USP13: variants seen among roughly 807,000 people sequenced by gnomAD.
The protein encoded by USP13 is ubiquitin specific peptidase 13, also known as ubiquitin carboxyl-terminal hydrolase 13.
USP13 carries 68 observed loss-of-function variants against 107.8 expected under a neutral mutation model. The ratio of observed to expected loss-of-function variants is 0.63; its 90% CI spans 0.52 to 0.77. The LOEUF (loss-of-function observed/expected upper bound fraction) is 0.77. Among genes scored for constraint, USP13 ranks in the 30% least tolerant of loss-of-function variants. The pLI is 0.00. For missense variants in USP13, 945 were observed against 1,093.3 expected, an observed-to-expected ratio of 0.86 and a Z score of 1.91; for synonymous variants, 377 against 389.5, an observed-to-expected ratio of 0.97 and a Z score of 0.38.
chr3:179,674,320 A>G (rs1399332686), intron 1 of USP13, among the ~76,000 whole-genome samples: 1 of 152,210 alleles, frequency 6.6e-6, no homozygotes, highest in African/African-American at 2.4e-5. Context: ...GAGTAAGACC[A>G]TATCTGGCTG....
intron 19 of USP13, among the ~76,000 whole-genome samples, chr3:179,769,623 G>A (rs1419682012): frequency 6.6e-6 from 1 of 152,122 alleles, no homozygotes; most frequent in Non-Finnish European, 1.5e-5. Context: ...TGCCCAGGCT[G>A]GTCTCCAACT....
At chr3:179,767,428 G>GTTT (rs1431728738) in intron 19 of USP13, among the ~76,000 whole-genome samples, 6 of 143,800 alleles carry the variant, frequency 4.2e-5, no homozygotes, top group African/African-American at 1.5e-4. Flanking sequence ...GTTTTTTTTG[G>GTTT]TTTTTTTTTT....
intron 12 of USP13, among the ~76,000 whole-genome samples, chr3:179,744,343 G>GTTTT (rs3216643): frequency 5.0e-5 from 6 of 121,184 alleles, no homozygotes; most frequent in Non-Finnish European, 5.7e-5. Context: ...TGGTGGTTCT[G>GTTTT]TTTTTTTTTT....
In USP13 at chr3:179,708,823, T is replaced by C. The variant is rs756304406; in HGVS notation, c.671T>C (p.Leu224Pro). The part of the protein sequence containing the change: ...CDLRENLWLN[L>P]TDGSVLCGKW... ...CTGCGAGAAAACCTCTGGTTGAATC[T>C]GACTGACGGCTCTGTCCTGTGTGGA... is the stretch of plus-strand genomic sequence containing the variant. Residue 224 changes from leucine to proline, a missense_variant, in exon 6 of 21, where the codon CTG becomes CCG. Leu to Pro is a moderately conservative substitution (Grantham distance 98). Transcript: ENST00000263966. 1.2e-6 allele frequency: 2 copies of C among 1,614,182 alleles called. No homozygotes were observed. Among genetic ancestry groups the C allele is most frequent in the African/African-American group, 1.3e-5 (1 of 75,038 alleles).
intron 1 of USP13, among the ~76,000 whole-genome samples, chr3:179,663,856 C>G (rs1001213231): frequency 7.2e-5 from 11 of 152,312 alleles, no homozygotes; most frequent in African/African-American, 1.9e-4. Flanking sequence ...AATGCATTCT[C>G]TCACCCTCAT....
At chr3:179,691,010 A>C (rs1209142770) in intron 3 of USP13, among the ~76,000 whole-genome samples, 1 of 151,924 alleles carries the variant, frequency 6.6e-6, no homozygotes. Flanking sequence ...GTTACCAAAA[A>C]ATTAAAAAAT....
chr3:179,768,214 TGTTGTAAAGCTGCCAAG>T (rs1200596293), intron 19 of USP13, among the ~76,000 whole-genome samples: 2 of 152,184 alleles, frequency 1.3e-5, no homozygotes, highest in Non-Finnish European at 2.9e-5. Flanking sequence ...AAGATGGGGC[TGTTGTAAAGCTGCCAAG>T]GTTTGGCTGC....
intron 4 of USP13, among the ~76,000 whole-genome samples, chr3:179,702,923 T>C (rs900699271): frequency 1.3e-5 from 2 of 152,212 alleles, no homozygotes; most frequent in African/African-American, 4.8e-5. Flanking sequence ...AGAAACATTG[T>C]GAATAAATGT....
chr3:179,782,195 A>C (rs1715773727), intron 20 of USP13, among the ~76,000 whole-genome samples: 1 of 152,218 alleles, frequency 6.6e-6, no homozygotes, highest in Non-Finnish European at 1.5e-5. Context: ...TGCCCTATTA[A>C]ATTTGAATTT....
chr3:179,772,885 C>T (rs1375295263), intron 19 of USP13, among the ~76,000 whole-genome samples: 1 of 152,256 alleles, frequency 6.6e-6, no homozygotes, highest in East Asian at 1.9e-4. Flanking sequence ...AGCTGCCTTC[C>T]GATGTTATTG....
intron 19 of USP13, among the ~76,000 whole-genome samples, chr3:179,774,831 TGATTG>T (rs905963417): frequency 5.9e-5 from 9 of 152,354 alleles, no homozygotes; most frequent in African/African-American, 1.9e-4. Context: ...TACAGAGAGC[TGATTG>T]GTCCATTTTG....
intron 19 of USP13, among the ~76,000 whole-genome samples, chr3:179,780,792 G>C (rs961051790): frequency 6.6e-6 from 1 of 152,176 alleles, no homozygotes; most frequent in South Asian, 2.1e-4. Flanking sequence ...AGAGGGGTAA[G>C]AGAAAAACTC....
intron 11 of USP13, among the ~76,000 whole-genome samples, chr3:179,741,008 A>G (rs1576968079): frequency 6.6e-6 from 1 of 151,056 alleles, no homozygotes; most frequent in Admixed American, 6.6e-5. Context: ...CTTGTGATCC[A>G]CCCGCCTCGG....
chr3:179,653,300 C>G lies in USP13; in HGVS notation c.75C>G (p.Gly25=). ...GGRKMAAGDI[G]ELLVPHMPTI... ...GGAAGATGGCTGCAGGAGACATCGG[C>G]GAGCTGCTAGTGCCCCACATGCCCA... Residue 25 remains glycine (G), a synonymous_variant, in exon 1 of 21, where the codon GGC becomes GGG. Coordinates refer to ENST00000263966, the MANE Select transcript of USP13 (RefSeq NM_003940.3). The surrounding 1 kb of genome is among the most constrained non-coding windows in gnomAD (Gnocchi z 4.0). The G allele has an allele frequency of 6.3e-7, 1 of 1,574,994 alleles. No homozygotes were observed. The highest frequency in any genetic ancestry group is 8.6e-7 in the Non-Finnish European group (1 of 1,160,966).
chr3:179,663,082 G>A (rs1373178945), intron 1 of USP13, among the ~76,000 whole-genome samples: 5 of 152,148 alleles, frequency 3.3e-5, no homozygotes, highest in Non-Finnish European at 7.3e-5. Flanking sequence ...ACCACTGTCT[G>A]TCTTCAGAAT....
chr3:179,718,647 G>A (rs1034629347), intron 6 of USP13, among the ~76,000 whole-genome samples: 1 of 152,162 alleles, frequency 6.6e-6, no homozygotes, highest in Non-Finnish European at 1.5e-5. Context: ...GCAGCGGATT[G>A]GATAGCTTTG....
At chr3:179,672,477 C>T (rs191163549) in intron 1 of USP13, among the ~76,000 whole-genome samples, 20 of 151,916 alleles carry the variant, frequency 1.3e-4, no homozygotes, top group East Asian at 3.9e-4. Flanking sequence ...CTCTGCCTGC[C>T]GGGTTCAAGC....
chr3:179,690,646 C>T (rs1339146955), intron 3 of USP13, among the ~76,000 whole-genome samples: 8 of 152,196 alleles, frequency 5.3e-5, no homozygotes, highest in African/African-American at 1.9e-4. Context: ...CATCTTGGCT[C>T]ACTACAACCT....
intron 8 of USP13, among the ~76,000 whole-genome samples, chr3:179,722,971 G>A (rs1233658879): frequency 6.6e-6 from 1 of 152,196 alleles, no homozygotes; most frequent in African/African-American, 2.4e-5. Flanking sequence ...TGAGGACAGG[G>A]AGCTATAGAG....
Sources: allele counts gnomAD v4.1 joint callset (sites outside exome capture counted in the v4.1 genomes callset), GRCh38; gene constraint gnomAD v4.1.1; non-coding constraint Gnocchi (gnomAD v3.1); transcripts MANE v1.5; gene names NCBI Gene and HGNC (gene_info 2026-07-23, HGNC 2026-07-21).